Variants in TRIO observed in about 807,000 individuals in gnomAD.
TRIO encodes the protein triple functional domain protein.
A neutral mutation model predicts 351.9 loss-of-function variants in TRIO; 58 were observed. The observed-to-expected ratio is 0.16, with a 90% CI of 0.13 to 0.21. The LOEUF (loss-of-function observed/expected upper bound fraction) is 0.21. TRIO is among the 10% of genes least tolerant of loss of function. The pLI is 1.00. For missense variants in TRIO, 3,201 were observed against 4,027.8 expected, an observed-to-expected ratio of 0.79 and a Z score of 5.56; for synonymous variants, 1,758 against 1,595.7, an observed-to-expected ratio of 1.10 and a Z score of -2.42.
chr5:14,297,427 C>T, intron 7 of TRIO, 164 bp downstream of exon 7: 1 of 793,864 alleles, frequency 1.3e-6, no homozygotes, highest in Non-Finnish European at 1.9e-6. Context: ...TCTTTTAGTC[C>T]TTGCTGCGTA....
chr5:14,221,156 G>A (rs1352829933), intron 1 of TRIO, among the ~76,000 whole-genome samples: 3 of 152,182 alleles, frequency 2.0e-5, no homozygotes, highest in African/African-American at 4.8e-5. Flanking sequence ...AAGCCTGGAT[G>A]ATAGCCCATC....
chr5:14,153,125 G>C (rs1787930439), intron 1 of TRIO, among the ~76,000 whole-genome samples: 2 of 152,226 alleles, frequency 1.3e-5, no homozygotes, highest in Non-Finnish European at 2.9e-5. Context: ...AGGCATGCAA[G>C]ATTGAGGTGG....
chr5:14,453,045 C>T (rs1752956380), intron 34 of TRIO, among the ~76,000 whole-genome samples: 1 of 152,106 alleles, frequency 6.6e-6, no homozygotes, highest in Admixed American at 6.5e-5. Flanking sequence ...GTCAGCACTT[C>T]TGCTTTCTCT....
chr5:14,292,571 A>G lies in TRIO; in HGVS notation c.1054-441A>G, dbSNP rs146291741. On this transcript the variant is annotated intron_variant, in intron 5 of 56. Coordinates refer to ENST00000344204, the MANE Select transcript of TRIO (RefSeq NM_007118.4). ...GATCAAACAGTGGAATCTTTTAGTC[A>G]TTGATATTTCTGTCAGTAACCTGTG... Among the ~76,000 whole-genome samples, 11 of 152,332 alleles carry G rather than the reference A, an allele frequency of 7.2e-5. No homozygotes were observed. The East Asian group carries it at 2.1e-3, about 29-fold the overall frequency.
chr5:14,414,796 G>C (rs576014656), intron 33 of TRIO, among the ~76,000 whole-genome samples: 2 of 152,282 alleles, frequency 1.3e-5, no homozygotes, highest in South Asian at 2.1e-4. Flanking sequence ...CTTATGTAAA[G>C]CAGCTTGGGT....
intron 9 of TRIO, among the ~76,000 whole-genome samples, chr5:14,319,165 A>C (rs150147081): frequency 2.1e-4 from 32 of 152,372 alleles, no homozygotes; most frequent in African/African-American, 7.7e-4. Flanking sequence ...CTTGGATGTC[A>C]GCAGGAGAAA....
chr5:14,379,771 A>T (rs1457082285), intron 20 of TRIO, among the ~76,000 whole-genome samples: 1 of 152,252 alleles, frequency 6.6e-6, no homozygotes, highest in African/African-American at 2.4e-5. Context: ...GCATTTTCCT[A>T]AAGTCCGCTT....
At chr5:14,505,193 T>C (rs750077387) in intron 55 of TRIO, among the ~76,000 whole-genome samples, 2 of 152,222 alleles carry the variant, frequency 1.3e-5, no homozygotes, top group African/African-American at 4.8e-5. Context: ...GAAACCTGTG[T>C]CCCACAGGAG....
At chr5:14,230,253 CA>C (rs1187253369) in intron 1 of TRIO, among the ~76,000 whole-genome samples, 1 of 151,904 alleles carries the variant, frequency 6.6e-6, no homozygotes, top group East Asian at 1.9e-4. Context: ...AACCTGTGCC[CA>C]AAAATGGGTG....
chr5:14,158,225 G>C (rs1441642944), intron 1 of TRIO, among the ~76,000 whole-genome samples: 1 of 152,132 alleles, frequency 6.6e-6, no homozygotes. Flanking sequence ...AAGAGATCGA[G>C]ACCATCCTGG....
intron 45 of TRIO, 152 bp downstream of exon 45, chr5:14,481,770 CCTTT>C: frequency 5.5e-6 from 2 of 363,734 alleles, no homozygotes; most frequent in Non-Finnish European, 9.0e-6. Context: ...TATTTTATTT[CCTTT>C]TTTTTTTTTT....
At chr5:14,392,737 T>C (rs554023090) in intron 27 of TRIO, among the ~76,000 whole-genome samples, 1 of 152,302 alleles carries the variant, frequency 6.6e-6, no homozygotes, top group South Asian at 2.1e-4. Flanking sequence ...CATGGAATAC[T>C]ATGCAATCAT....
At chr5:14,483,943 TGCACCCATACGCTGAGCC>T (rs1441411404) in intron 46 of TRIO, among the ~76,000 whole-genome samples, 6 of 151,884 alleles carry the variant, frequency 4.0e-5, no homozygotes, top group African/African-American at 7.2e-5. Flanking sequence ...TACGCTGAAC[TGCACCCATACGCTGAGCC>T]GCACCCATCC....
intron 30 of TRIO, 50 bp downstream of exon 30, chr5:14,399,120 T>C (rs749704741): frequency 6.6e-5 from 101 of 1,527,518 alleles, no homozygotes; most frequent in Non-Finnish European, 9.1e-5. Flanking sequence ...ACAATTGCAG[T>C]CTTTTTGTAG....
At position 14,290,778 on chromosome 5, in the gene TRIO, G is replaced by A. The variant is rs1320830727; in HGVS notation, c.603G>A (p.Glu201=). 1 of 1,613,994 alleles carries A rather than the reference G, an allele frequency of 6.2e-7. No homozygotes were observed. Among genetic ancestry groups the A allele is most frequent in the Non-Finnish European group, 8.5e-7 (1 of 1,180,026 alleles). The change falls in exon 5 of 57, where the codon GAG becomes GAA. Residue 201 remains glutamate (E), a synonymous_variant. Coordinates refer to ENST00000344204, the MANE Select transcript of TRIO (RefSeq NM_007118.4). ...TTGATCCTTCTCAGCTAACTCCTGA[G>A]TTTGATGGCTGCCTGGAATACAACC... ...KVVDPSQLTP[E]FDGCLEYNHE...
Position 14,143,602 on chromosome 5 carries a change from C to A in TRIO, c.-124C>A. On this transcript the variant is annotated 5_prime_UTR_variant, in exon 1 of 57. Coordinates refer to ENST00000344204, the MANE Select transcript of TRIO (RefSeq NM_007118.4). ...CGCCCCCCGCCGCCCCGGGGCTCTG[C>A]GTCCGCGCGCCGGGCGCGGGCAGCT... is the stretch of plus-strand genomic sequence containing the variant. The A allele has an allele frequency of 4.4e-6, 1 of 227,658 alleles. No individual in the cohort carries two copies. Among genetic ancestry groups the A allele is most frequent in the Non-Finnish European group, 7.1e-6 (1 of 139,918 alleles). 14.1% of individuals were successfully genotyped at this position (227,658 alleles called of 1,614,324 possible). A position where few individuals can be genotyped will look rare whatever the true frequency, so the allele number is the denominator to read the frequency against.
intron 9 of TRIO, among the ~76,000 whole-genome samples, chr5:14,324,137 C>G (rs978305987): frequency 2.4e-4 from 37 of 152,026 alleles, no homozygotes; most frequent in African/African-American, 8.5e-4. Context: ...TAAATGGAAC[C>G]AGGTTGTTAA....
intron 1 of TRIO, among the ~76,000 whole-genome samples, chr5:14,178,567 A>C (rs1789546920): frequency 6.6e-6 from 1 of 152,196 alleles, no homozygotes; most frequent in African/African-American, 2.4e-5. Context: ...GTTACCAATA[A>C]TTATTCTAGA....
intron 34 of TRIO, among the ~76,000 whole-genome samples, chr5:14,444,000 C>G (rs1752255488): frequency 1.3e-5 from 2 of 152,122 alleles, no homozygotes; most frequent in African/African-American, 4.8e-5. Context: ...AAAACATAAT[C>G]TGGTGACTCT....
Sources: gnomAD v4.1 joint callset for allele counts (sites outside exome capture counted in the v4.1 genomes callset) on GRCh38, gnomAD v4.1.1 for gene constraint, MANE v1.5 for transcripts, NCBI Gene and HGNC (gene_info 2026-07-23, HGNC 2026-07-21) for gene names.